ANKRD55: variants seen among roughly 807,000 people sequenced by gnomAD.
ANKRD55 encodes ankyrin repeat domain 55, also known as ankyrin repeat domain-containing protein 55.
Under a neutral mutation model 60.6 loss-of-function variants are expected in ANKRD55, and 41 were observed. The observed-to-expected ratio is 0.68, with a 90% CI of 0.53 to 0.88. The LOEUF is 0.88. Among genes scored for constraint, ANKRD55 ranks in the 40% least tolerant of loss-of-function variants. ANKRD55 has a pLI of 0.00. For missense variants in ANKRD55, 732 were observed against 767.6 expected (o/e 0.95, Z 0.55); for synonymous variants, 264 against 290.3 (o/e 0.91, Z 0.92).
chr5:56,202,384 C>T (rs952442272), intron 2 of ANKRD55, among the ~76,000 whole-genome samples: 10 of 151,966 alleles, frequency 6.6e-5, no homozygotes, highest in African/African-American at 2.4e-4. Context: ...TTGATAGGCA[C>T]TTGTGTCTCC....
At position 56,116,829 on chromosome 5, in the gene ANKRD55, T is replaced by C. The variant is rs368457844; in HGVS notation, c.798-47A>G. 33 of 1,479,264 alleles carry C rather than the reference T, an allele frequency of 2.2e-5. No individual in the cohort carries two copies. The African/African-American group carries it at 4.5e-4, about 20-fold the overall frequency. The allele number at this position is 1,479,264 out of a possible 1,614,324, so 91.6% of individuals were successfully genotyped here. On this transcript the variant is annotated intron_variant, in intron 8 of 11. Transcript: ENST00000341048. ...AGCACAAGCGTCTGAGCATGTGAATTGTTCAGGCTGCTTAGCCAGCAACAG... is the reference window on the plus strand; with the variant it reads ...AGCACAAGCGTCTGAGCATGTGAATCGTTCAGGCTGCTTAGCCAGCAACAG...
In ANKRD55 at chr5:56,111,151, G is replaced by T. The variant is rs780908469; in HGVS notation, c.1597C>A (p.Pro533Thr). ...GGATTATGTAGATGGCGAAGGTGTGGTGGCACGGAGACCTCTTGGTGACCA... is the reference window on the plus strand; with the variant it reads ...GGATTATGTAGATGGCGAAGGTGTGTTGGCACGGAGACCTCTTGGTGACCA... ...RPGHQEVSVP[P>T]HLRHLHNPSS... The change falls in exon 10 of 12, where the codon CCA becomes ACA. Residue 533 changes from proline to threonine, a missense_variant. Around this residue, in one of 3 missense-constraint regions of ANKRD55, gnomAD observed 597 missense variants for 607.5 expected, o/e 0.98. Coordinates refer to ENST00000341048, the MANE Select transcript of ANKRD55 (RefSeq NM_024669.3). 1.2e-6 allele frequency: 2 copies of T among 1,614,152 alleles called. No individual in the cohort carries two copies. The highest frequency in any genetic ancestry group is 1.7e-6 in the Non-Finnish European group (2 of 1,180,006).
intron 10 of ANKRD55, among the ~76,000 whole-genome samples, chr5:56,105,759 G>A (rs1048964404): frequency 1.3e-5 from 2 of 152,172 alleles, no homozygotes; most frequent in African/African-American, 4.8e-5. Flanking sequence ...ACGTTTGATG[G>A]GTTTAGACAG....
intron 7 of ANKRD55, chr5:56,137,594 A>C: frequency 1.6e-6 from 1 of 643,632 alleles, no homozygotes; most frequent in Non-Finnish European, 2.8e-6. Context: ...CCAGGAGATA[A>C]CAGGAGCAAA....
At chr5:56,137,092 G>A in intron 7 of ANKRD55, 2 of 937,808 alleles carry the variant, frequency 2.1e-6, no homozygotes, top group East Asian at 2.4e-5. Context: ...CATCAGGGTA[G>A]GCATATATGA....
At chr5:56,129,960 C>A (rs1757367263) in intron 7 of ANKRD55, among the ~76,000 whole-genome samples, 1 of 152,194 alleles carries the variant, frequency 6.6e-6, no homozygotes, top group Non-Finnish European at 1.5e-5. Context: ...AAAGGAACAT[C>A]TAGAGTCTAT....
intron 2 of ANKRD55, among the ~76,000 whole-genome samples, chr5:56,200,263 A>G (rs1759333639): frequency 6.6e-6 from 1 of 152,176 alleles, no homozygotes; most frequent in Non-Finnish European, 1.5e-5. Flanking sequence ...CTAAAAAAGA[A>G]AAAAGTATGT....
chr5:56,140,420 T>A (rs140610323), intron 7 of ANKRD55, among the ~76,000 whole-genome samples: 2 of 152,190 alleles, frequency 1.3e-5, no homozygotes, highest in Admixed American at 1.3e-4. Flanking sequence ...CTGTTCCTCA[T>A]TGAGGAGGTC....
intron 8 of ANKRD55, among the ~76,000 whole-genome samples, chr5:56,119,977 G>A (rs760815915): frequency 2.0e-5 from 3 of 151,978 alleles, no homozygotes; most frequent in Admixed American, 6.6e-5. Context: ...ATTTTGGTAT[G>A]TGCAGTGAGG....
intron 2 of ANKRD55, among the ~76,000 whole-genome samples, chr5:56,220,776 G>A (rs770525912): frequency 9.9e-5 from 15 of 152,182 alleles, no homozygotes; most frequent in Non-Finnish European, 2.1e-4. Context: ...CCATGCCATT[G>A]CACTCCAGCC....
intron 9 of ANKRD55, among the ~76,000 whole-genome samples, chr5:56,115,323 ATTT>A (rs534617384): frequency 7.1e-6 from 1 of 141,674 alleles, no homozygotes. Flanking sequence ...ACTTTATTCT[ATTT>A]TTTTTTTTTT....
chr5:56,163,784 A>G (rs1758386801), intron 5 of ANKRD55, among the ~76,000 whole-genome samples: 2 of 152,190 alleles, frequency 1.3e-5, no homozygotes, highest in African/African-American at 2.4e-5. Flanking sequence ...TAGCCCTTAC[A>G]TGCCATAATA....
At chr5:56,108,655 G>C (rs557026638) in intron 10 of ANKRD55, among the ~76,000 whole-genome samples, 1 of 152,182 alleles carries the variant, frequency 6.6e-6, no homozygotes, top group African/African-American at 2.4e-5. Flanking sequence ...ACATGTCAAA[G>C]GGTGAAGAGA....
chr5:56,107,845 A>C (rs559635525), intron 10 of ANKRD55, among the ~76,000 whole-genome samples: 1 of 151,936 alleles, frequency 6.6e-6, no homozygotes, highest in African/African-American at 2.4e-5. Flanking sequence ...TGCCTACTTC[A>C]GACTTCTTTC....
chr5:56,147,510 T>C (rs1426034241), intron 6 of ANKRD55, among the ~76,000 whole-genome samples: 1 of 152,242 alleles, frequency 6.6e-6, no homozygotes, highest in Non-Finnish European at 1.5e-5. Flanking sequence ...CAAACATTTA[T>C]TTTTATAAGA....
At position 56,100,226 on chromosome 5, in the gene ANKRD55, T is replaced by A. The variant is rs771246845; in HGVS notation, c.1802A>T (p.Glu601Val). The A allele has an allele frequency of 1.2e-6, 2 of 1,614,246 alleles. No homozygotes were observed. Among genetic ancestry groups the A allele is most frequent in the Non-Finnish European group, 1.7e-6 (2 of 1,180,052 alleles). ...PSQRRHSTAA[E>V]ESEHSANPTS... ...GGGGTTGGCAGAATGTTCACTCTCT[T>A]CTGCTGCTGTGCTGTGTCTTCGTTG... The change falls in exon 12 of 12, where the codon GAA becomes GTA. Residue 601 changes from glutamate to valine, a missense_variant. This residue lies in a region of ANKRD55 where 597 missense variants were observed against 607.5 expected (regional missense o/e 0.98). Transcript: ENST00000341048.
intron 9 of ANKRD55, 149 bp downstream of exon 9, chr5:56,116,466 T>G: frequency 1.5e-6 from 1 of 657,568 alleles, no homozygotes; most frequent in Non-Finnish European, 2.1e-6. Flanking sequence ...TAGAATCATT[T>G]AATGTCTTTA....
At chr5:56,107,379 A>G (rs1756514052) in intron 10 of ANKRD55, among the ~76,000 whole-genome samples, 1 of 152,138 alleles carries the variant, frequency 6.6e-6, no homozygotes, top group African/African-American at 2.4e-5. Context: ...CTGCTGTCCC[A>G]GGATTTTTCT....
chr5:56,230,207 G>A (rs1249651742), intron 2 of ANKRD55, among the ~76,000 whole-genome samples: 1 of 152,064 alleles, frequency 6.6e-6, no homozygotes, highest in African/African-American at 2.4e-5. Flanking sequence ...GCGATTTCCT[G>A]CCTCAGCCTC....
Sources: gnomAD v4.1 joint callset for allele counts (sites outside exome capture counted in the v4.1 genomes callset) on GRCh38, gnomAD v4.1.1 for gene constraint, gnomAD v4.1.1 regional missense constraint, MANE v1.5 for transcripts, NCBI Gene and HGNC (gene_info 2026-07-23, HGNC 2026-07-21) for gene names.